The following PARVB variants were observed in gnomAD, a reference collection of about 807,000 sequenced individuals.
The protein encoded by PARVB is beta-parvin.
PARVB carries 46 observed loss-of-function variants against 47.0 expected under a neutral mutation model. That is an observed-to-expected ratio of 0.98 (90% CI 0.77 to 1.25). The LOEUF (loss-of-function observed/expected upper bound fraction) is 1.25. Ranked by LOEUF, PARVB falls within the 50% of genes most tolerant of loss-of-function variation. The pLI is 0.00. For synonymous variants in PARVB, 196 were observed against 196.3 expected (o/e 1.00, Z 0.01); for missense variants, 473 against 471.6 (o/e 1.00, Z -0.03).
rs1157582888 is a variant in PARVB at position 44,097,132 on chromosome 22, G to A, written c.203-2921G>A. Reference sequence around the variant, plus strand: ...CACACAGCTCAGAGATGGCATGGCGGCTGGTGTCTGCTCTCAGCTTCCTTT... The same window carrying A: ...CACACAGCTCAGAGATGGCATGGCGACTGGTGTCTGCTCTCAGCTTCCTTT... On this transcript the variant is annotated intron_variant, in intron 2 of 12. Transcript: ENST00000338758. Among the ~76,000 whole-genome samples the A allele has an allele frequency of 2.6e-5, 4 of 151,972 alleles. 1 individual carries two copies. In the South Asian group the frequency reaches 8.3e-4, roughly 32 times the overall value.
At chr22:44,002,728 G>A (rs991828117) in intron 2 of PARVB, among the ~76,000 whole-genome samples, 26 of 152,298 alleles carry the variant, frequency 1.7e-4, no homozygotes, top group East Asian at 3.9e-4. Flanking sequence ...TTCAGTTTGC[G>A]TAGTGAACCG....
intron 1 of PARVB, among the ~76,000 whole-genome samples, chr22:44,084,584 C>T (rs549483108): frequency 2.2e-4 from 33 of 152,298 alleles, no homozygotes; most frequent in Middle Eastern, 3.4e-3. Context: ...TGGTTCTTTC[C>T]GCTGCGTTCT....
At chr22:44,003,684 G>C (rs1173051020) in intron 2 of PARVB, among the ~76,000 whole-genome samples, 3 of 152,130 alleles carry the variant, frequency 2.0e-5, no homozygotes, top group Non-Finnish European at 2.9e-5. Flanking sequence ...CTTGTGTTGG[G>C]GTGGAAAGAG....
chr22:44,167,051 C>T (rs1473254671), intron 12 of PARVB, among the ~76,000 whole-genome samples: 3 of 152,198 alleles, frequency 2.0e-5, no homozygotes. Context: ...TCTCACACCC[C>T]CTGCACGTGG....
upstream of PARVB, among the ~76,000 whole-genome samples, chr22:44,022,085 A>G (rs1277794710): frequency 2.6e-5 from 4 of 152,074 alleles, no homozygotes; most frequent in African/African-American, 7.2e-5. Flanking sequence ...TCACTTGATC[A>G]TCTGCAAAGA....
At chr22:44,150,558 C>G (rs1018218686) in intron 9 of PARVB, 1 of 152,330 alleles carries the variant, frequency 6.6e-6, no homozygotes, top group Admixed American at 6.5e-5. Context: ...GTAATCCCAA[C>G]TACTCGGGAG....
rs556449713 is a variant in PARVB, at chr22:44,171,293, C to G, written c.*2615C>G. The stretch of plus-strand genomic sequence containing the variant: ...GGTGGATCACTTGGGGTCAGAAGTT[C>G]GAGACCAGCCTGGCCAACATGGTGA... On this transcript the variant is annotated 3_prime_UTR_variant, in exon 13 of 13. Coordinates refer to ENST00000338758, the MANE Select transcript of PARVB (RefSeq NM_013327.5). 6.6e-6 allele frequency: 1 copy of G among 152,076 alleles called. No homozygotes were observed. Among genetic ancestry groups the G allele is most frequent in the East Asian group, 1.9e-4 (1 of 5,184 alleles). 9.4% of individuals were successfully genotyped at this position (152,076 alleles called of 1,614,324 possible).
rs146894488 is a variant in PARVB, at chr22:44,128,292, T to C, written c.377-3195T>C. Among the ~76,000 whole-genome samples the C allele has an allele frequency of 2.7e-3, 417 of 152,312 alleles. 2 individuals are homozygous for C. The highest frequency in any genetic ancestry group is 9.6e-3 in the African/African-American group (401 of 41,566). On this transcript the variant is annotated intron_variant, in intron 4 of 12. Coordinates refer to ENST00000338758, the MANE Select transcript of PARVB (RefSeq NM_013327.5). ...ACACCCTCTCCTTGTGAAGGTGAAGTTCTTCATCACATGTGTACTCAACCC... is the reference window on the plus strand; with the variant it reads ...ACACCCTCTCCTTGTGAAGGTGAAGCTCTTCATCACATGTGTACTCAACCC...
At chr22:44,006,481 C>A (rs937894025) in intron 2 of PARVB, among the ~76,000 whole-genome samples, 3 of 151,940 alleles carry the variant, frequency 2.0e-5, no homozygotes, top group African/African-American at 7.2e-5. Flanking sequence ...GAAAATCAGT[C>A]GGGCGTGGTG....
At chr22:44,086,246 A>G (rs1177559345) in intron 1 of PARVB, among the ~76,000 whole-genome samples, 1 of 152,214 alleles carries the variant, frequency 6.6e-6, no homozygotes, top group African/African-American at 2.4e-5. Context: ...CTCGGCAAAA[A>G]CAAACTACAT....
At chr22:44,047,316 A>C (rs2051131937) in intron 1 of PARVB, among the ~76,000 whole-genome samples, 1 of 152,168 alleles carries the variant, frequency 6.6e-6, no homozygotes, top group Non-Finnish European at 1.5e-5. Context: ...AAGAAAACAG[A>C]AACACAGCTG....
At chr22:44,060,669 G>T (rs1167283929) in intron 1 of PARVB, among the ~76,000 whole-genome samples, 1 of 152,070 alleles carries the variant, frequency 6.6e-6, no homozygotes, top group African/African-American at 2.4e-5. Context: ...CGAAGGAGAG[G>T]TCTCATAGTT....
chr22:44,134,312 C>A (rs1424840378), intron 6 of PARVB, among the ~76,000 whole-genome samples: 2 of 152,184 alleles, frequency 1.3e-5, no homozygotes, highest in Non-Finnish European at 2.9e-5. Context: ...GGGGCCATTC[C>A]TATGGCCCCG....
chr22:44,066,292 C>G (rs145384624), intron 1 of PARVB, among the ~76,000 whole-genome samples: 47 of 152,330 alleles, frequency 3.1e-4, no homozygotes, highest in African/African-American at 1.1e-3. Context: ...TACTGAAGGG[C>G]CTTTCTCCCT....
chr22:44,161,195 G>A (rs2054043475), intron 11 of PARVB, among the ~76,000 whole-genome samples: 1 of 152,054 alleles, frequency 6.6e-6, no homozygotes, highest in African/African-American at 2.4e-5. Flanking sequence ...CAGCTAAAGG[G>A]ACCTGTGTTG....
chr22:44,081,906 A>G (rs540227733), intron 1 of PARVB, among the ~76,000 whole-genome samples: 2 of 152,280 alleles, frequency 1.3e-5, no homozygotes, highest in East Asian at 3.9e-4. Flanking sequence ...CCAGTGACTG[A>G]AATCATTTGG....
At chr22:44,057,450 A>T (rs1436433281) in intron 1 of PARVB, among the ~76,000 whole-genome samples, 2 of 152,152 alleles carry the variant, frequency 1.3e-5, no homozygotes, top group Non-Finnish European at 2.9e-5. Context: ...GATTTCACCC[A>T]AGAGCGAGGC....
intron 1 of PARVB, among the ~76,000 whole-genome samples, chr22:44,027,473 C>T (rs544733054): frequency 6.6e-6 from 1 of 152,216 alleles, no homozygotes; most frequent in South Asian, 2.1e-4. Context: ...GCGCCACTGC[C>T]CAGTGGCCAG....
At chr22:44,084,558 C>T (rs1361124509) in intron 1 of PARVB, among the ~76,000 whole-genome samples, 1 of 152,216 alleles carries the variant, frequency 6.6e-6, no homozygotes, top group Non-Finnish European at 1.5e-5. Context: ...CAAGGGTACT[C>T]CCAGGTCTGG....
Sources: allele counts gnomAD v4.1 joint callset (sites outside exome capture counted in the v4.1 genomes callset), GRCh38; gene constraint gnomAD v4.1.1; transcripts MANE v1.5; gene names NCBI Gene and HGNC (gene_info 2026-07-23, HGNC 2026-07-21).